The following SLC24A2 variants were observed in gnomAD, a reference collection of about 807,000 sequenced individuals.
SLC24A2 encodes the protein sodium/potassium/calcium exchanger 2.
SLC24A2 carries 36 observed loss-of-function variants against 62.0 expected under a neutral mutation model. That is an observed-to-expected ratio of 0.58 (90% CI 0.44 to 0.77). SLC24A2 has a LOEUF of 0.77. SLC24A2 is among the 30% of genes least tolerant of loss of function. The pLI is 0.00. For missense variants in SLC24A2, 846 were observed against 817.9 expected (o/e 1.03, Z -0.42); for synonymous variants, 358 against 294.0 (o/e 1.22, Z -2.23).
chr9:19,678,851 G>A (rs748775235), intron 2 of SLC24A2, among the ~76,000 whole-genome samples: 41 of 152,174 alleles, frequency 2.7e-4, no homozygotes, highest in Non-Finnish European at 4.4e-4. Flanking sequence ...AACATGCTAG[G>A]TGGGATAAAA....
intron 2 of SLC24A2, among the ~76,000 whole-genome samples, chr9:19,702,265 T>C (rs1018950746): frequency 5.9e-5 from 9 of 152,200 alleles, no homozygotes; most frequent in Admixed American, 2.6e-4. Flanking sequence ...CACTTGGTGC[T>C]CCTAAAACGT....
At chr9:19,902,620 G>A in the SLC24A2 span, among the ~76,000 whole-genome samples, 25 of 152,048 alleles carry the variant, frequency 1.6e-4, no homozygotes, top group Non-Finnish European at 5.9e-5. Flanking sequence ...TTTAATAAAG[G>A]CTCATTCTGG....
intron 2 of SLC24A2, among the ~76,000 whole-genome samples, chr9:19,654,579 G>A (rs765325933): frequency 2.0e-5 from 3 of 152,148 alleles, no homozygotes; most frequent in Admixed American, 1.3e-4. Context: ...ATGGGGCATG[G>A]CAAATGATGG....
the SLC24A2 span, among the ~76,000 whole-genome samples, chr9:19,851,027 A>ATATATATATATTT: frequency 3.6e-5 from 2 of 55,292 alleles, no homozygotes; most frequent in African/African-American, 1.5e-4. Context: ...ATATATACAT[A>ATATATATATATTT]TTTTTTTTTT....
At chr9:19,884,435 T>C in the SLC24A2 span, among the ~76,000 whole-genome samples, 3 of 152,202 alleles carry the variant, frequency 2.0e-5, no homozygotes, top group Non-Finnish European at 4.4e-5. Context: ...TGTTGTATAG[T>C]TGAAAAAGGA....
the SLC24A2 span, among the ~76,000 whole-genome samples, chr9:20,159,655 T>C: frequency 6.6e-6 from 1 of 151,438 alleles, no homozygotes; most frequent in East Asian, 1.9e-4. Context: ...TGATTTATCC[T>C]TGTATAGGGA....
At chr9:19,576,568 CTG>C (rs1421846439) in intron 6 of SLC24A2, among the ~76,000 whole-genome samples, 2 of 152,194 alleles carry the variant, frequency 1.3e-5, no homozygotes, top group Admixed American at 1.3e-4. Context: ...TTAAATGACA[CTG>C]TGTACGTGTG....
intron 2 of SLC24A2, among the ~76,000 whole-genome samples, chr9:19,673,545 T>G (rs1356961751): frequency 6.6e-6 from 1 of 152,082 alleles, no homozygotes; most frequent in Admixed American, 6.6e-5. Context: ...GCCTCCCAGG[T>G]TCAAGTGATT....
At chr9:19,882,696 C>T in the SLC24A2 span, among the ~76,000 whole-genome samples, 42 of 151,804 alleles carry the variant, frequency 2.8e-4, no homozygotes, top group Non-Finnish European at 5.2e-4. Context: ...AATAGGTTTC[C>T]ACCACCCAGT....
At chr9:20,186,241 C>G in the SLC24A2 span, among the ~76,000 whole-genome samples, 1 of 152,206 alleles carries the variant, frequency 6.6e-6, no homozygotes, top group South Asian at 2.1e-4. Context: ...TCATCTCTAC[C>G]TAGTGCCATA....
At chr9:19,563,750 C>G (rs1347268061) in intron 7 of SLC24A2, among the ~76,000 whole-genome samples, 1 of 116,638 alleles carries the variant, frequency 8.6e-6, no homozygotes, top group Non-Finnish European at 1.6e-5. Context: ...TTATAATGAC[C>G]CTTCCTTCCT....
At chr9:19,813,644 C>G in the SLC24A2 span, among the ~76,000 whole-genome samples, 3 of 151,918 alleles carry the variant, frequency 2.0e-5, no homozygotes, top group Non-Finnish European at 2.9e-5. Context: ...AAAATTTAAT[C>G]CTTGTTGTGA....
chr9:19,645,872 T>A (rs1052077686), intron 2 of SLC24A2, among the ~76,000 whole-genome samples: 1 of 152,196 alleles, frequency 6.6e-6, no homozygotes, highest in African/African-American at 2.4e-5. Context: ...AAGAAAAGGA[T>A]CCCTAGAGAA....
At chr9:19,751,927 T>C (rs993963147) in intron 2 of SLC24A2, among the ~76,000 whole-genome samples, 4 of 152,208 alleles carry the variant, frequency 2.6e-5, no homozygotes, top group African/African-American at 9.6e-5. Flanking sequence ...CTGCCTAATC[T>C]TCAAAGACAG....
At chr9:20,195,331 G>A in the SLC24A2 span, among the ~76,000 whole-genome samples, 1 of 152,152 alleles carries the variant, frequency 6.6e-6, no homozygotes, top group African/African-American at 2.4e-5. Context: ...CAGTGATTTA[G>A]GAGAATTTCT....
At chr9:19,953,490 A>G in the SLC24A2 span, among the ~76,000 whole-genome samples, 2 of 152,028 alleles carry the variant, frequency 1.3e-5, no homozygotes, top group African/African-American at 4.8e-5. Context: ...GGCAGGAAAG[A>G]TTGAATAAGT....
At chr9:20,199,703 GTTTCTTTCTTT>G in the SLC24A2 span, among the ~76,000 whole-genome samples, 3 of 151,234 alleles carry the variant, frequency 2.0e-5, no homozygotes, top group African/African-American at 7.3e-5. Flanking sequence ...TGATATCTGG[GTTTCTTTCTTT>G]TTTCTTTCTT....
chr9:20,260,959 G>A, the SLC24A2 span, among the ~76,000 whole-genome samples: 8 of 148,014 alleles, frequency 5.4e-5, no homozygotes, highest in East Asian at 2.1e-4. Context: ...GGGTTCAAGC[G>A]ATTCTCCTGC....
chr9:19,954,388 C>CAAGT, the SLC24A2 span, among the ~76,000 whole-genome samples: 13 of 152,052 alleles, frequency 8.5e-5, no homozygotes, highest in Non-Finnish European at 1.2e-4. Flanking sequence ...ACAATGTAAC[C>CAAGT]AAGTAATTTA....
Sources: gnomAD v4.1 joint callset for allele counts (sites outside exome capture counted in the v4.1 genomes callset) on GRCh38, gnomAD v4.1.1 for gene constraint, MANE v1.5 for transcripts, NCBI Gene and HGNC (gene_info 2026-07-23, HGNC 2026-07-21) for gene names.